Variants in ZNF654 observed in about 807,000 individuals in gnomAD.
ZNF654 encodes the protein zinc finger protein 654.
Under a neutral mutation model 95.3 loss-of-function variants are expected in ZNF654, and 19 were observed. That is an observed-to-expected ratio of 0.20 (90% CI 0.14 to 0.29). The LOEUF is 0.29. Ranked by LOEUF, ZNF654 falls within the 10% of genes least tolerant of loss-of-function variation. The pLI, the probability that ZNF654 is intolerant of heterozygous loss-of-function variation, is 1.00. For missense variants in ZNF654, 1,046 were observed against 1,341.0 expected (o/e 0.78, Z 3.44); for synonymous variants, 413 against 457.9 (o/e 0.90, Z 1.25).
chr3:88,124,486 C>A (rs963575463), intron 3 of ZNF654, among the ~76,000 whole-genome samples: 2 of 152,072 alleles, frequency 1.3e-5, no homozygotes, highest in South Asian at 2.1e-4. Context: ...ACAAGTAAAA[C>A]CTCTTTTGTA....
rs547908283 is a variant in ZNF654 at position 88,082,315 on chromosome 3, CAG to C, written c.187-3941_187-3940del. ...CTAATTTTTATATTTTTAGTAGTGA[CAG>C]GGTTTCACCATGTTGGCTAGGATGG... On this transcript the variant is annotated intron_variant, in intron 1 of 8. Transcript: ENST00000636215. Among the ~76,000 whole-genome samples, 28 of 152,222 alleles carry C rather than the reference CAG, an allele frequency of 1.8e-4. 1 individual carries two copies. The South Asian group carries it at 5.8e-3, about 32-fold the overall frequency.
chr3:88,134,676 T>C (rs1005258584), intron 6 of ZNF654, among the ~76,000 whole-genome samples: 1 of 152,130 alleles, frequency 6.6e-6, no homozygotes, highest in Non-Finnish European at 1.5e-5. Context: ...ACCATTTCTT[T>C]ATAGAGAGTC....
chr3:88,140,141 G>A lies in ZNF654; in HGVS notation c.2472G>A (p.Glu824=). The part of the protein sequence containing the change: ...VYFCLHFNCN[E]SFKLPFQLAQ... The stretch of plus-strand genomic sequence containing the variant: ...TTTGTTTGCATTTTAATTGCAACGA[G>A]TCGTTTAAGCTGCCGTTCCAGCTTG... The change falls in exon 8 of 9, where the codon GAG becomes GAA. Residue 824 remains glutamate (E), a synonymous_variant. Transcript: ENST00000636215. 1.2e-6 allele frequency: 2 copies of A among 1,613,892 alleles called. No homozygotes were observed. Among genetic ancestry groups the A allele is most frequent in the Non-Finnish European group, 1.7e-6 (2 of 1,179,804 alleles).
intron 3 of ZNF654, among the ~76,000 whole-genome samples, chr3:88,118,977 C>T (rs1240927886): frequency 4.7e-5 from 7 of 148,546 alleles, no homozygotes; most frequent in African/African-American, 1.0e-4. Context: ...GTCAGTGTGG[C>T]GATTCCTCAG....
intron 3 of ZNF654, among the ~76,000 whole-genome samples, chr3:88,122,553 C>T (rs568934847): frequency 4.6e-5 from 7 of 152,148 alleles, no homozygotes; most frequent in South Asian, 2.1e-4. Flanking sequence ...GTTGTATTTT[C>T]GCTCTACCTT....
chr3:88,127,259 T>C (rs1274086476), intron 4 of ZNF654, among the ~76,000 whole-genome samples: 3 of 152,170 alleles, frequency 2.0e-5, no homozygotes, highest in African/African-American at 7.2e-5. Context: ...GCAGGTTATT[T>C]CTGTTAGTCA....
In ZNF654 at chr3:88,144,435, C is replaced by T. The variant is rs1384048078; in HGVS notation, c.*2783C>T. On this transcript the variant is annotated 3_prime_UTR_variant, in exon 9 of 9. Transcript: ENST00000636215. ...AACACCTTTTCAGAATGAGTAAATG[C>T]TGCATATGCATTTTGGAGTTGTTAA... is the stretch of plus-strand genomic sequence containing the variant. 1 of 152,270 alleles carries T rather than the reference C, an allele frequency of 6.6e-6. No homozygotes were observed. The highest frequency in any genetic ancestry group is 6.6e-5 in the Admixed American group (1 of 15,242). The allele number at this position is 152,270 out of a possible 1,614,324, so 9.4% of individuals were successfully genotyped here.
chr3:88,098,450 A>C (rs1310427338), intron 2 of ZNF654, among the ~76,000 whole-genome samples: 1 of 152,218 alleles, frequency 6.6e-6, no homozygotes, highest in Non-Finnish European at 1.5e-5. Flanking sequence ...CAATCAATAG[A>C]AAAAGAGGGA....
At chr3:88,068,906 C>A (rs1320432857) in intron 1 of ZNF654, among the ~76,000 whole-genome samples, 1 of 151,978 alleles carries the variant, frequency 6.6e-6, no homozygotes, top group Non-Finnish European at 1.5e-5. Context: ...CAGTGCAATA[C>A]AATACATTGT....
In ZNF654 at chr3:88,139,122, A is replaced by G; in HGVS notation, c.1453A>G (p.Asn485Asp). Residue 485 changes from asparagine to aspartate, a missense_variant, in exon 8 of 9, where the codon AAT (asparagine) becomes GAT (aspartate). Transcript: ENST00000636215. ...AAGCACACTGGAAAATAATGCAGGTAATCTAAAAAGGACGGAGGAACAGCA... is the reference window on the plus strand; with the variant it reads ...AAGCACACTGGAAAATAATGCAGGTGATCTAAAAAGGACGGAGGAACAGCA... ...NESTLENNAG[N>D]LKRTEEQQGL... The G allele has an allele frequency of 7.8e-7, 1 of 1,274,778 alleles. No individual in the cohort carries two copies. Among genetic ancestry groups the G allele is most frequent in the African/African-American group, 1.5e-5 (1 of 64,918 alleles). 79.0% of individuals were successfully genotyped at this position (1,274,778 alleles called of 1,614,324 possible). A position where few individuals can be genotyped will look rare whatever the true frequency, so the allele number is the denominator to read the frequency against.
At chr3:88,117,719 A>G (rs1705495740) in intron 3 of ZNF654, among the ~76,000 whole-genome samples, 1 of 152,192 alleles carries the variant, frequency 6.6e-6, no homozygotes, top group African/African-American at 2.4e-5. Flanking sequence ...AATAATCTGG[A>G]ACTAGGATCT....
chr3:88,067,988 T>C (rs1386666939), intron 1 of ZNF654, among the ~76,000 whole-genome samples: 1 of 152,072 alleles, frequency 6.6e-6, no homozygotes, highest in Non-Finnish European at 1.5e-5. Context: ...GAAGGGATTA[T>C]CTATATTATA....
rs553738251 is a variant in ZNF654, at chr3:88,070,568, T to G, written c.186+11063T>G. Among the ~76,000 whole-genome samples the G allele has an allele frequency of 5.2e-3, 83 of 15,864 alleles. No homozygotes were observed. The East Asian group carries it at 0.28, about 53-fold the overall frequency. 10.4% of individuals were successfully genotyped at this position (15,864 alleles called of 152,430 possible). A position where few individuals can be genotyped will look rare whatever the true frequency, so the allele number is the denominator to read the frequency against. ...TGGCAAAGGCAACACTGCCTGTTTT[T>G]TTTTTTTTTTTTTTTTTTTTTGCAG... On this transcript the variant is annotated intron_variant, in intron 1 of 8. Transcript: ENST00000636215.
chr3:88,104,755 A>C (rs1298691971), intron 2 of ZNF654, among the ~76,000 whole-genome samples: 1 of 152,242 alleles, frequency 6.6e-6, no homozygotes. Flanking sequence ...GTCCCAAAGA[A>C]GGAGGAAGAA....
At chr3:88,102,343 G>A (rs889085974) in intron 2 of ZNF654, among the ~76,000 whole-genome samples, 2 of 152,054 alleles carry the variant, frequency 1.3e-5, no homozygotes, top group African/African-American at 4.8e-5. Context: ...AATAGCTCTA[G>A]TCGTTTTTTG....
At position 88,134,990 on chromosome 3, in the gene ZNF654, G is replaced by A. The variant is rs1485654562; in HGVS notation, c.894-71G>A. On this transcript the variant is annotated intron_variant, in intron 6 of 8. Transcript: ENST00000636215. Reference sequence around the variant, plus strand: ...TCCCAGCCAGGGCACTATAGAATCAGGGAAAGATAGCTAATGTCTGTATTT... The same window carrying A: ...TCCCAGCCAGGGCACTATAGAATCAAGGAAAGATAGCTAATGTCTGTATTT... The A allele has an allele frequency of 4.5e-6, 5 of 1,119,328 alleles. No homozygotes were observed. In the Admixed American group the frequency reaches 1.2e-4, roughly 26 times the overall value. The allele number at this position is 1,119,328 out of a possible 1,614,324, so 69.3% of individuals were successfully genotyped here.
chr3:88,093,550 AAG>A (rs1014188033), intron 2 of ZNF654, among the ~76,000 whole-genome samples: 1 of 152,178 alleles, frequency 6.6e-6, no homozygotes, highest in African/African-American at 2.4e-5. Flanking sequence ...CAAGCTGTCT[AAG>A]AGAAAAGACC....
chr3:88,108,619 A>G (rs915719191), intron 2 of ZNF654, among the ~76,000 whole-genome samples: 2 of 152,158 alleles, frequency 1.3e-5, no homozygotes, highest in African/African-American at 4.8e-5. Flanking sequence ...CAGTGTATCT[A>G]CACTGTATAC....
chr3:88,141,421 T>C (rs147459968), intron 8 of ZNF654, among the ~76,000 whole-genome samples: 2 of 152,078 alleles, frequency 1.3e-5, no homozygotes, highest in East Asian at 1.9e-4. Context: ...ATTTTTCATA[T>C]GCATTCCAGA....
Sources: allele counts gnomAD v4.1 joint callset (sites outside exome capture counted in the v4.1 genomes callset), GRCh38; gene constraint gnomAD v4.1.1; transcripts MANE v1.5; gene names NCBI Gene and HGNC (gene_info 2026-07-23, HGNC 2026-07-21).